The following EXOC1 variants were observed in gnomAD, a reference collection of about 807,000 sequenced individuals.
EXOC1 encodes SEC3-like 1.
In EXOC1, 67 loss-of-function variants were observed where a neutral mutation model predicts 107.7. The ratio of observed to expected loss-of-function variants is 0.62; its 90% confidence interval spans 0.51 to 0.76. The LOEUF is 0.76. Among genes scored for constraint, EXOC1 ranks in the 30% least tolerant of loss-of-function variants. The pLI, the probability that EXOC1 is intolerant of heterozygous loss-of-function variation, is 0.00. For missense variants in EXOC1, 833 were observed against 1,055.7 expected, an observed-to-expected ratio of 0.79 and a Z score of 2.92; for synonymous variants, 348 against 353.5, an observed-to-expected ratio of 0.98 and a Z score of 0.17.
chr4:55,859,460 G>T (rs1577688076), intron 2 of EXOC1, among the ~76,000 whole-genome samples: 2 of 152,118 alleles, frequency 1.3e-5, no homozygotes, highest in Admixed American at 1.3e-4. Context: ...ACAATGAATT[G>T]TTGGTGTTTT....
chr4:55,895,764 T>G (rs1354159735), intron 15 of EXOC1, among the ~76,000 whole-genome samples: 1 of 152,158 alleles, frequency 6.6e-6, no homozygotes, highest in African/African-American at 2.4e-5. Flanking sequence ...AACATTTCTT[T>G]CGCATTTTGT....
At chr4:55,895,768 A>T (rs543231741) in intron 15 of EXOC1, among the ~76,000 whole-genome samples, 1 of 152,204 alleles carries the variant, frequency 6.6e-6, no homozygotes, top group South Asian at 2.1e-4. Context: ...TTTCTTTCGC[A>T]TTTTGTCATA....
intron 13 of EXOC1, 137 bp from the exon 14 acceptor site, chr4:55,892,498 C>T: frequency 1.5e-6 from 1 of 669,772 alleles, no homozygotes; most frequent in Non-Finnish European, 2.6e-6. Context: ...CTAGCTTTAT[C>T]ATAATGCTAC....
intron 12 of EXOC1, among the ~76,000 whole-genome samples, chr4:55,890,740 T>G (rs1361369258): frequency 6.6e-6 from 1 of 152,196 alleles, no homozygotes; most frequent in Non-Finnish European, 1.5e-5. Context: ...TTTTGTTTGT[T>G]TGTTTTTGAA....
chr4:55,904,578 A>G lies in EXOC1; in HGVS notation c.*83A>G. On this transcript the variant is annotated 3_prime_UTR_variant, in exon 19 of 19. Transcript: ENST00000381295. ...ACCAAAATACCAAGCAACTGTTTTG[A>G]GAACCCAGACTTAAAATTTTATGTA... 2.9e-6 allele frequency: 4 copies of G among 1,388,694 alleles called. No homozygotes were observed. The highest frequency in any genetic ancestry group is 3.9e-6 in the Non-Finnish European group (4 of 1,038,930). 86.0% of individuals were successfully genotyped at this position (1,388,694 alleles called of 1,614,324 possible).
intron 3 of EXOC1, 82 bp from the exon 4 acceptor site, chr4:55,864,145 C>A: frequency 1.1e-6 from 1 of 883,040 alleles, no homozygotes; most frequent in Non-Finnish European, 1.7e-6. Context: ...CCAAAAACAG[C>A]GTAAATGCCT....
intron 14 of EXOC1, 66 bp from the exon 15 acceptor site, chr4:55,893,486 A>G (rs1724824852): frequency 7.2e-7 from 1 of 1,393,742 alleles, no homozygotes; most frequent in African/African-American, 1.4e-5. Context: ...CCAGTGGATT[A>G]AAGTTAACGG....
intron 1 of EXOC1, among the ~76,000 whole-genome samples, chr4:55,854,609 T>G (rs1720789838): frequency 6.6e-6 from 1 of 152,210 alleles, no homozygotes; most frequent in Admixed American, 6.5e-5. Flanking sequence ...CCTAGAATAG[T>G]GTCTGCCACC....
At chr4:55,899,626 T>A in intron 16 of EXOC1, 59 bp from the exon 17 acceptor site, 1 of 1,450,152 alleles carries the variant, frequency 6.9e-7, no homozygotes, top group Middle Eastern at 2.3e-4. Context: ...TATAAATGTT[T>A]ATAGCTAAAT....
At chr4:55,874,515 TCTTATTG>T (rs1240607831) in intron 8 of EXOC1, among the ~76,000 whole-genome samples, 1 of 152,180 alleles carries the variant, frequency 6.6e-6, no homozygotes, top group Non-Finnish European at 1.5e-5. Context: ...TTGTACTTTT[TCTTATTG>T]CTATAGGCCA....
intron 18 of EXOC1, among the ~76,000 whole-genome samples, chr4:55,903,516 T>C (rs1726251520): frequency 6.6e-6 from 1 of 152,186 alleles, no homozygotes; most frequent in Non-Finnish European, 1.5e-5. Flanking sequence ...GGAATAGCGA[T>C]TGGTCTTAAG....
intron 16 of EXOC1, among the ~76,000 whole-genome samples, chr4:55,897,604 A>G (rs559532152): frequency 9.1e-4 from 139 of 152,178 alleles, no homozygotes; most frequent in African/African-American, 3.1e-3. Flanking sequence ...ATATTCAGGA[A>G]TTGTAAAAGC....
At chr4:55,882,577 T>C (rs561822852) in intron 9 of EXOC1, 5 of 152,328 alleles carry the variant, frequency 3.3e-5, no homozygotes, top group African/African-American at 1.2e-4. Flanking sequence ...TGTTCTTACA[T>C]TAGATACAGA....
chr4:55,880,137 G>A (rs1352571357), intron 9 of EXOC1, among the ~76,000 whole-genome samples: 1 of 152,040 alleles, frequency 6.6e-6, no homozygotes, highest in Non-Finnish European at 1.5e-5. Flanking sequence ...TTACGTATTT[G>A]ACAGTAGGAC....
Position 55,904,430 on chromosome 4 carries a change from G to A in EXOC1, c.2620G>A (p.Val874Ile). ...LIARCYPGSG[V>I]TMEFTIQDIL... is the part of the protein sequence containing the mutation. ...AGCTCGCTGTTATCCTGGATCTGGTGTTACAATGGAATTCACTATTCAGGA... is the reference window on the plus strand; with the variant it reads ...AGCTCGCTGTTATCCTGGATCTGGTATTACAATGGAATTCACTATTCAGGA... The change falls in exon 19 of 19, where the codon GTT (valine) becomes ATT (isoleucine). Residue 874 changes from valine (V) to isoleucine (I), a missense_variant. This residue lies in a region of EXOC1 where 216 missense variants were observed against 354.4 expected (regional missense o/e 0.61). Coordinates refer to ENST00000381295, the MANE Select transcript of EXOC1 (RefSeq NM_001024924.2). 6.2e-7 allele frequency: 1 copy of A among 1,612,914 alleles called. No homozygotes were observed.
Position 55,870,886 on chromosome 4 carries a change from C to G in EXOC1, c.812C>G (p.Ser271Cys), listed in dbSNP as rs1351477926. The G allele has an allele frequency of 6.2e-7, 1 of 1,613,142 alleles. No individual in the cohort carries two copies. The highest frequency in any genetic ancestry group is 1.3e-5 in the African/African-American group (1 of 74,854). ...LSNTNNVKLLSEIEFLVNHMD... is the reference protein window; with the variant it reads ...LSNTNNVKLLCEIEFLVNHMD... ...AACACTAATAATGTAAAACTCCTAT[C>G]TGAGATAGAGTTCCTTGTGGTAAGT... The change falls in exon 6 of 19, where the codon TCT becomes TGT. Residue 271 changes from serine to cysteine, a missense_variant. By Grantham distance (112) the Ser-to-Cys change is moderately radical. Coordinates refer to ENST00000381295, the MANE Select transcript of EXOC1 (RefSeq NM_001024924.2).
At chr4:55,860,660 T>G in intron 3 of EXOC1, 119 bp downstream of exon 3, 2 of 1,289,248 alleles carry the variant, frequency 1.6e-6, no homozygotes, top group Non-Finnish European at 2.1e-6. Flanking sequence ...TTTTCTTATT[T>G]TTTTGCTTTT....
chr4:55,863,497 G>C (rs747201470), intron 3 of EXOC1, among the ~76,000 whole-genome samples: 2 of 152,084 alleles, frequency 1.3e-5, no homozygotes, highest in Non-Finnish European at 2.9e-5. Flanking sequence ...CGTGTCCCCA[G>C]CTACTCAGGA....
chr4:55,882,131 T>A (rs1205889772), intron 9 of EXOC1, among the ~76,000 whole-genome samples: 3 of 151,952 alleles, frequency 2.0e-5, no homozygotes, highest in Non-Finnish European at 2.9e-5. Context: ...TGTGTTTTGT[T>A]TTGTTTTTGT....
Sources: gnomAD v4.1 joint callset for allele counts (sites outside exome capture counted in the v4.1 genomes callset) on GRCh38, gnomAD v4.1.1 for gene constraint, gnomAD v4.1.1 regional missense constraint, MANE v1.5 for transcripts, NCBI Gene and HGNC (gene_info 2026-07-23, HGNC 2026-07-21) for gene names.